DPYD: variants seen among roughly 807,000 people sequenced by gnomAD.
DPYD encodes dihydropyrimidine dehydrogenase.
A neutral mutation model predicts 116.2 loss-of-function variants in DPYD; 109 were observed. The ratio of observed to expected loss-of-function variants is 0.94; its 90% CI spans 0.80 to 1.10. The LOEUF (loss-of-function observed/expected upper bound fraction) is 1.10, where lower values mean the gene tolerates loss of function less well. Among genes scored for constraint, DPYD ranks in the 50% least tolerant of loss-of-function variants. The pLI is 0.00. For synonymous variants in DPYD, 440 were observed against 432.0 expected (o/e 1.02, Z -0.23); for missense variants, 1,302 against 1,254.5 (o/e 1.04, Z -0.57).
intron 13 of DPYD, among the ~76,000 whole-genome samples, chr1:97,480,722 T>G (rs1379108723): frequency 6.6e-6 from 1 of 152,230 alleles, no homozygotes. Flanking sequence ...GGCTCACGCC[T>G]GTAATCCCAG....
rs1019060759 is a variant in DPYD, at chr1:97,221,964, C to T, written c.2442+12888G>A. Among the ~76,000 whole-genome samples, 5 of 151,980 alleles carry T rather than the reference C, an allele frequency of 3.3e-5. 1 individual carries two copies. The highest frequency in any genetic ancestry group is 1.2e-4 in the African/African-American group (5 of 41,414). ...CTAATAGTCATTTGGATGAACAAGA[C>T]ACAGTTATTAAAAAATCAGTTACCC... On this transcript the variant is annotated intron_variant, in intron 19 of 22. Coordinates refer to ENST00000370192, the MANE Select transcript of DPYD (RefSeq NM_000110.4).
intron 20 of DPYD, among the ~76,000 whole-genome samples, chr1:97,159,314 A>G (rs923471777): frequency 1.3e-5 from 2 of 152,128 alleles, no homozygotes; most frequent in African/African-American, 4.8e-5. Flanking sequence ...GCTTAACAGC[A>G]TAATGGAGAT....
chr1:97,810,317 C>T lies in DPYD; in HGVS notation c.233+17797G>A, dbSNP rs1021881205. On this transcript the variant is annotated intron_variant, in intron 3 of 22. Coordinates refer to ENST00000370192, the MANE Select transcript of DPYD (RefSeq NM_000110.4). ...AAAAAAAAAAAAAAAGAAGCATCAA[C>T]GGGAAATAAAAAGGGCACTTACCCA... Among the ~76,000 whole-genome samples, 10 of 142,408 alleles carry T rather than the reference C, an allele frequency of 7.0e-5. 1 individual carries two copies. The highest frequency in any genetic ancestry group is 1.4e-4 in the Admixed American group (2 of 14,184). 93.4% of individuals were successfully genotyped at this position (142,408 alleles called of 152,430 possible).
At chr1:97,577,833 TTTAA>T (rs549717330) in intron 10 of DPYD, among the ~76,000 whole-genome samples, 14 of 152,006 alleles carry the variant, frequency 9.2e-5, no homozygotes, top group Non-Finnish European at 5.9e-5. Flanking sequence ...TTTATTTTAT[TTTAA>T]TTAATTAATT....
intron 20 of DPYD, among the ~76,000 whole-genome samples, chr1:97,191,660 C>T (rs1011508637): frequency 6.6e-6 from 1 of 152,120 alleles, no homozygotes; most frequent in Non-Finnish European, 1.5e-5. Flanking sequence ...CAAAACATGA[C>T]AGTGCAATGC....
intron 19 of DPYD, among the ~76,000 whole-genome samples, chr1:97,202,528 T>G (rs566280329): frequency 6.6e-6 from 1 of 152,278 alleles, no homozygotes; most frequent in East Asian, 1.9e-4. Flanking sequence ...CAAACCACAT[T>G]TTGCCAGCCA....
chr1:97,641,783 T>G (rs921722856), intron 8 of DPYD, among the ~76,000 whole-genome samples: 1 of 152,150 alleles, frequency 6.6e-6, no homozygotes, highest in Non-Finnish European at 1.5e-5. Context: ...TAAAGGGTAT[T>G]CAATTAGGAA....
At chr1:97,464,169 G>T (rs1490478130) in intron 13 of DPYD, among the ~76,000 whole-genome samples, 1 of 151,844 alleles carries the variant, frequency 6.6e-6, no homozygotes, top group Non-Finnish European at 1.5e-5. Flanking sequence ...AACCTGGGAG[G>T]CGGAGGTTGC....
At chr1:97,867,405 T>A (rs768220552) in intron 2 of DPYD, among the ~76,000 whole-genome samples, 22 of 151,816 alleles carry the variant, frequency 1.4e-4, no homozygotes, top group Non-Finnish European at 2.5e-4. Flanking sequence ...AAAACTGCTT[T>A]GAAATGAAGG....
intron 15 of DPYD, among the ~76,000 whole-genome samples, chr1:97,380,412 G>T (rs1217781664): frequency 6.6e-6 from 1 of 152,168 alleles, no homozygotes; most frequent in Non-Finnish European, 1.5e-5. Context: ...ACTTCTTTGT[G>T]GTGCTCAAAA....
At chr1:97,767,021 C>T (rs1481750122) in intron 3 of DPYD, among the ~76,000 whole-genome samples, 2 of 152,134 alleles carry the variant, frequency 1.3e-5, no homozygotes, top group East Asian at 3.9e-4. Context: ...ATTTAAGAAA[C>T]ATTTCCTATT....
At chr1:97,720,739 T>G in intron 5 of DPYD, 1 of 1,436,454 alleles carries the variant, frequency 7.0e-7, no homozygotes, top group East Asian at 2.7e-5. Context: ...TAATTTGACC[T>G]TCTAGCCAAC....
chr1:97,101,078 C>T (rs924434473), intron 20 of DPYD, among the ~76,000 whole-genome samples: 3 of 150,530 alleles, frequency 2.0e-5, no homozygotes, highest in African/African-American at 7.4e-5. Flanking sequence ...GAAAACTTGC[C>T]AATTTTTTTT....
chr1:97,494,321 T>A (rs561735748), intron 13 of DPYD, among the ~76,000 whole-genome samples: 1 of 152,198 alleles, frequency 6.6e-6, no homozygotes, highest in South Asian at 2.1e-4. Flanking sequence ...CTTAGCCTGC[T>A]AATTAGCTGG....
chr1:97,616,294 C>T (rs2100759389), intron 8 of DPYD, among the ~76,000 whole-genome samples: 1 of 152,200 alleles, frequency 6.6e-6, no homozygotes, highest in African/African-American at 2.4e-5. Flanking sequence ...TATTTATTGT[C>T]ACACTTTTCT....
chr1:97,136,765 A>T (rs1203027677), intron 20 of DPYD, among the ~76,000 whole-genome samples: 1 of 152,192 alleles, frequency 6.6e-6, no homozygotes. Flanking sequence ...ATTAAATGAC[A>T]CCTTTAAAGA....
intron 18 of DPYD, among the ~76,000 whole-genome samples, chr1:97,291,230 C>T (rs1260236737): frequency 6.6e-6 from 1 of 152,130 alleles, no homozygotes; most frequent in Non-Finnish European, 1.5e-5. Flanking sequence ...CACTTTTACA[C>T]TGTTGGTGGG....
At chr1:97,911,944 C>T (rs1178618937) in intron 1 of DPYD, among the ~76,000 whole-genome samples, 2 of 152,074 alleles carry the variant, frequency 1.3e-5, no homozygotes, top group African/African-American at 4.8e-5. Context: ...ACCATGCACG[C>T]TGTCAAGCCA....
chr1:97,460,525 T>C (rs946981934), intron 13 of DPYD, among the ~76,000 whole-genome samples: 88 of 152,304 alleles, frequency 5.8e-4, no homozygotes, highest in South Asian at 1.0e-3. Context: ...GGTGCGTTGA[T>C]ATGCTGAGTA....
Sources: gnomAD v4.1 joint callset for allele counts (sites outside exome capture counted in the v4.1 genomes callset) on GRCh38, gnomAD v4.1.1 for gene constraint, MANE v1.5 for transcripts, NCBI Gene and HGNC (gene_info 2026-07-23, HGNC 2026-07-21) for gene names.